PTPRT: variants seen among roughly 807,000 people sequenced by gnomAD.
PTPRT encodes the protein protein tyrosine phosphatase receptor type T.
In PTPRT, 56 loss-of-function variants were observed where a neutral mutation model predicts 176.8. That is an observed-to-expected ratio of 0.32 (90% CI 0.26 to 0.40). The LOEUF (loss-of-function observed/expected upper bound fraction) is 0.40. Among genes scored for constraint, PTPRT ranks in the 10% least tolerant of loss-of-function variants. The pLI, the probability that PTPRT is intolerant of heterozygous loss-of-function variation, is 1.00. For missense variants in PTPRT, 1,540 were observed against 1,908.2 expected (o/e 0.81, Z 3.60); for synonymous variants, 783 against 739.0 (o/e 1.06, Z -0.96).
At chr20:42,896,223 T>C (rs1030648813) in intron 1 of PTPRT, among the ~76,000 whole-genome samples, 1 of 152,066 alleles carries the variant, frequency 6.6e-6, no homozygotes, top group Non-Finnish European at 1.5e-5. Flanking sequence ...ACTCCAATCA[T>C]GGGTTTGTTT....
At chr20:42,605,227 G>A (rs1401195133) in intron 7 of PTPRT, among the ~76,000 whole-genome samples, 1 of 152,204 alleles carries the variant, frequency 6.6e-6, no homozygotes, top group Non-Finnish European at 1.5e-5. Context: ...ACCCATGGCT[G>A]AATCCATTCA....
intron 2 of PTPRT, among the ~76,000 whole-genome samples, chr20:42,812,722 C>T (rs1329694745): frequency 2.6e-5 from 4 of 152,004 alleles, no homozygotes; most frequent in African/African-American, 7.2e-5. Flanking sequence ...GGGCAAGTTA[C>T]GTAACTATAT....
chr20:42,217,247 C>A (rs923995723), intron 15 of PTPRT, among the ~76,000 whole-genome samples: 17 of 152,062 alleles, frequency 1.1e-4, no homozygotes, highest in South Asian at 8.3e-4. Flanking sequence ...GTGACACACG[C>A]CTGAAGTCCC....
chr20:42,553,572 TTC>T (rs1036702249), intron 7 of PTPRT, among the ~76,000 whole-genome samples: 1 of 152,232 alleles, frequency 6.6e-6, no homozygotes, highest in African/African-American at 2.4e-5. Context: ...TAGTTTTACA[TTC>T]TCTCTCTTGC....
intron 27 of PTPRT, among the ~76,000 whole-genome samples, chr20:42,090,231 A>T (rs75375191): frequency 0.13 from 18,853 of 143,358 alleles, 3,089 homozygotes; most frequent in African/African-American, 0.39. Flanking sequence ...AAGATGGATA[A>T]ATAGATGATT....
chr20:42,540,636 T>A (rs749684884), intron 7 of PTPRT, among the ~76,000 whole-genome samples: 1 of 152,080 alleles, frequency 6.6e-6, no homozygotes, highest in African/African-American at 2.4e-5. Flanking sequence ...CTTTAGATAA[T>A]TGGCAAAGTG....
intron 7 of PTPRT, among the ~76,000 whole-genome samples, chr20:42,659,323 G>A (rs1211001681): frequency 6.6e-6 from 1 of 152,116 alleles, no homozygotes; most frequent in African/African-American, 2.4e-5. Flanking sequence ...TGGAATATGT[G>A]GCCAGAATTA....
At chr20:42,775,041 T>C (rs2077115293) in intron 4 of PTPRT, among the ~76,000 whole-genome samples, 2 of 152,220 alleles carry the variant, frequency 1.3e-5, no homozygotes, top group Admixed American at 6.5e-5. Flanking sequence ...ATCACTCATC[T>C]TCAGCCAAAC....
At chr20:42,670,361 A>G (rs1197251377) in intron 7 of PTPRT, among the ~76,000 whole-genome samples, 1 of 152,216 alleles carries the variant, frequency 6.6e-6, no homozygotes, top group African/African-American at 2.4e-5. Flanking sequence ...GGTGTAACAC[A>G]TCCCGGTCAC....
At chr20:42,423,178 T>TAAAAAAAAAAAA (rs34775268) in intron 9 of PTPRT, among the ~76,000 whole-genome samples, 2 of 88,114 alleles carry the variant, frequency 2.3e-5, no homozygotes, top group African/African-American at 8.8e-5. Flanking sequence ...ACCTTAAAAG[T>TAAAAAAAAAAAA]AAAAAAAAAA....
chr20:42,309,726 A>G (rs1425803688), intron 12 of PTPRT, among the ~76,000 whole-genome samples: 1 of 152,222 alleles, frequency 6.6e-6, no homozygotes, highest in East Asian at 1.9e-4. Flanking sequence ...TCATTCTTTC[A>G]TTAATCCATC....
intron 12 of PTPRT, among the ~76,000 whole-genome samples, chr20:42,315,333 A>G (rs917176908): frequency 3.9e-5 from 6 of 152,130 alleles, no homozygotes; most frequent in African/African-American, 1.4e-4. Flanking sequence ...TAGATAGCAA[A>G]TTGATAGATA....
intron 2 of PTPRT, among the ~76,000 whole-genome samples, chr20:42,825,261 G>A (rs1350419420): frequency 6.6e-6 from 1 of 151,972 alleles, no homozygotes; most frequent in Non-Finnish European, 1.5e-5. Flanking sequence ...GACATAATGA[G>A]AAATCATAAC....
At position 43,068,163 on chromosome 20, in the gene PTPRT, AGGAG is replaced by A. The variant is rs1259124160; in HGVS notation, c.88+121479_88+121482del. On this transcript the variant is annotated intron_variant, in intron 1 of 30. Transcript: ENST00000373187. ...AGGAAGGAAGAGAGAAAAGGAAGGA[AGGAG>A]GGAGGGAAGGAAGGAGAGGAGGAGA... 6.4e-5 allele frequency among the ~76,000 whole-genome samples: 8 copies of A among 125,072 alleles called. 1 individual carries two copies. In the South Asian group the frequency reaches 2.2e-3, roughly 34 times the overall value. The allele number at this position is 125,072 out of a possible 152,430, so 82.1% of individuals were successfully genotyped here. A position where few individuals can be genotyped will look rare whatever the true frequency, so the allele number is the denominator to read the frequency against.
At chr20:42,081,054 A>G (rs1350959574) in intron 30 of PTPRT, 122 bp from the exon 31 acceptor site, 19 of 755,522 alleles carry the variant, frequency 2.5e-5, no homozygotes, top group Non-Finnish European at 3.4e-5. Flanking sequence ...TTCTATATCC[A>G]TATTATGTCA....
rs979759666 is a variant in PTPRT at position 43,165,876 on chromosome 20, A to T, written c.88+23770T>A. Among the ~76,000 whole-genome samples, 4 of 152,170 alleles carry T rather than the reference A, an allele frequency of 2.6e-5. 1 individual carries two copies. ...CTATCCTCTTGATCAAGCAGTCTGG[A>T]GCAAACCATCTTCCCCTCAAAAGCT... On this transcript the variant is annotated intron_variant, in intron 1 of 30. Transcript: ENST00000373187.
At position 42,383,185 on chromosome 20, in the gene PTPRT, C is replaced by T. The variant is rs931647522; in HGVS notation, c.1561-30900G>A. 2.0e-5 allele frequency among the ~76,000 whole-genome samples: 3 copies of T among 152,264 alleles called. No homozygotes were observed. In the South Asian group the frequency reaches 6.2e-4, roughly 32 times the overall value. On this transcript the variant is annotated intron_variant, in intron 9 of 30. Transcript: ENST00000373187. ...TAAAACACTGAGACTTCGGGCAGAG[C>T]ACAGGACTTCTGAAATTATAGTTAC...
chr20:42,514,156 T>G (rs1009288496), intron 7 of PTPRT, among the ~76,000 whole-genome samples: 1 of 152,210 alleles, frequency 6.6e-6, no homozygotes, highest in Non-Finnish European at 1.5e-5. Context: ...CAGGATGGAA[T>G]GGCTAAAATA....
intron 6 of PTPRT, among the ~76,000 whole-genome samples, chr20:42,735,003 T>A (rs1328840283): frequency 6.6e-6 from 1 of 152,092 alleles, no homozygotes; most frequent in Non-Finnish European, 1.5e-5. Context: ...TCATGAAGAG[T>A]GAATCTTTGC....
Sources: allele counts gnomAD v4.1 joint callset (sites outside exome capture counted in the v4.1 genomes callset), GRCh38; gene constraint gnomAD v4.1.1; transcripts MANE v1.5; gene names NCBI Gene and HGNC (gene_info 2026-07-23, HGNC 2026-07-21).